The following WDFY4 variants were observed in gnomAD, a reference collection of about 807,000 sequenced individuals.
WDFY4 encodes WDFY family member 4.
Under a neutral mutation model 351.9 loss-of-function variants are expected in WDFY4, and 169 were observed. The observed-to-expected ratio is 0.48, with a 90% confidence interval of 0.42 to 0.55. The LOEUF is 0.55. WDFY4 is among the 20% of genes least tolerant of loss of function. The pLI, the probability that WDFY4 is intolerant of heterozygous loss-of-function variation, is 0.00. For missense variants in WDFY4, 3,803 were observed against 3,935.6 expected (o/e 0.97, Z 0.90); for synonymous variants, 1,622 against 1,574.6 (o/e 1.03, Z -0.71).
intron 22 of WDFY4, 101 bp from the exon 23 acceptor site, chr10:48,790,626 G>A: frequency 7.5e-7 from 1 of 1,334,344 alleles, no homozygotes; most frequent in Non-Finnish European, 1.0e-6. Context: ...GTGGATGGAT[G>A]GTGGCACTGG....
chr10:48,969,374 C>A, intron 56 of WDFY4, 126 bp downstream of exon 56: 1 of 1,214,220 alleles, frequency 8.2e-7, no homozygotes, highest in South Asian at 1.5e-5. Context: ...AGGTGTGCTG[C>A]CAGCCTGGGC....
intron 31 of WDFY4, among the ~76,000 whole-genome samples, chr10:48,815,383 CTT>C: frequency 6.6e-6 from 1 of 152,200 alleles, no homozygotes; most frequent in East Asian, 1.9e-4. Flanking sequence ...CTGATTATAT[CTT>C]TTGCCAGTTT....
chr10:48,687,192 C>T (rs770463649), intron 1 of WDFY4, among the ~76,000 whole-genome samples: 15 of 152,260 alleles, frequency 9.9e-5, no homozygotes, highest in Non-Finnish European at 1.3e-4. Flanking sequence ...GGCCATTTCT[C>T]ATCGGGTTAC....
chr10:48,760,625 G>A (rs1165760225), intron 13 of WDFY4, among the ~76,000 whole-genome samples, 185 bp downstream of exon 13: 1 of 152,194 alleles, frequency 6.6e-6, no homozygotes, highest in Non-Finnish European at 1.5e-5. Context: ...ACTGAGTTGT[G>A]CCCACCCTTG....
At chr10:48,751,657 C>A (rs17011160) in intron 12 of WDFY4, among the ~76,000 whole-genome samples, 3 of 152,090 alleles carry the variant, frequency 2.0e-5, no homozygotes, top group East Asian at 1.9e-4. Flanking sequence ...CAAATGAGGC[C>A]GCTTTGCTTT....
In WDFY4 at chr10:48,733,943, C is replaced by A; in HGVS notation, c.1595C>A (p.Ser532Tyr). 6.4e-7 allele frequency: 1 copy of A among 1,551,642 alleles called. No homozygotes were observed. ...KIMRKSGNKVSTPGVQDPERE... is the reference protein window; with the variant it reads ...KIMRKSGNKVYTPGVQDPERE... ...TTCAATATGGCAGGAAACAAAGTGT[C>A]CACTCCTGGTGTTCAGGATCCAGAA... The change falls in exon 10 of 62, where the codon TCC becomes TAC. Residue 532 changes from serine to tyrosine, a missense_variant. By Grantham distance (144) the Ser-to-Tyr change is moderately radical. Around this residue, in one of 3 missense-constraint regions of WDFY4, gnomAD observed 261 missense variants for 330.2 expected, o/e 0.79. Coordinates refer to ENST00000325239, the MANE Select transcript of WDFY4 (RefSeq NM_001394531.1).
chr10:48,943,498 T>C (rs1459217190), intron 49 of WDFY4, 49 bp downstream of exon 49: 1 of 1,535,186 alleles, frequency 6.5e-7, no homozygotes, highest in South Asian at 1.2e-5. Flanking sequence ...GTTCGGACGT[T>C]GATAACAGAG....
chr10:48,724,637 C>T (rs1044081523), intron 5 of WDFY4, among the ~76,000 whole-genome samples: 1 of 152,050 alleles, frequency 6.6e-6, no homozygotes, highest in African/African-American at 2.4e-5. Context: ...ATAGACCATT[C>T]CTGCATTGCT....
At chr10:48,809,166 CCACCATCATCACCAT>C (rs376773792) in intron 28 of WDFY4, among the ~76,000 whole-genome samples, 67 of 149,338 alleles carry the variant, frequency 4.5e-4, no homozygotes, top group African/African-American at 1.5e-3. Flanking sequence ...ACCATTACCA[CCACCATCATCACCAT>C]CACCATCATC....
At chr10:48,728,790 T>C (rs761944333) in intron 7 of WDFY4, among the ~76,000 whole-genome samples, 2 of 152,234 alleles carry the variant, frequency 1.3e-5, no homozygotes, top group Non-Finnish European at 2.9e-5. Flanking sequence ...TTTTGGTTCA[T>C]TGGGTGTTGA....
chr10:48,784,721 T>C (rs764073047), intron 19 of WDFY4, among the ~76,000 whole-genome samples: 1 of 151,244 alleles, frequency 6.6e-6, no homozygotes, highest in Non-Finnish European at 1.5e-5. Context: ...TTTGTATTTT[T>C]AGTAGAGATG....
intron 19 of WDFY4, among the ~76,000 whole-genome samples, chr10:48,785,212 T>C (rs1046616856): frequency 2.6e-5 from 4 of 152,148 alleles, no homozygotes; most frequent in Non-Finnish European, 5.9e-5. Flanking sequence ...TACATATATG[T>C]GTATGTGTGT....
intron 16 of WDFY4, 136 bp downstream of exon 16, chr10:48,777,120 A>T: frequency 8.8e-7 from 1 of 1,136,142 alleles, no homozygotes; most frequent in Non-Finnish European, 1.2e-6. Context: ...TGGGTCATGG[A>T]CACCCGCCTA....
chr10:48,726,944 G>T (rs1033561019), intron 6 of WDFY4, among the ~76,000 whole-genome samples: 1 of 152,134 alleles, frequency 6.6e-6, no homozygotes, highest in Non-Finnish European at 1.5e-5. Flanking sequence ...GGGGTAGCCA[G>T]TAAGCCCCAT....
intron 47 of WDFY4, among the ~76,000 whole-genome samples, chr10:48,907,814 G>A (rs934738402): frequency 7.9e-5 from 12 of 152,186 alleles, no homozygotes. Context: ...AGAGAAGCAT[G>A]GTCCTTGGAT....
At chr10:48,949,165 C>A (rs1403098991) in intron 51 of WDFY4, among the ~76,000 whole-genome samples, 1 of 152,198 alleles carries the variant, frequency 6.6e-6, no homozygotes, top group African/African-American at 2.4e-5. Context: ...TTTTGGGGCT[C>A]AGATCTGTCT....
intron 20 of WDFY4, 88 bp from the exon 21 acceptor site, chr10:48,788,442 C>T: frequency 7.1e-7 from 1 of 1,413,544 alleles, no homozygotes; most frequent in Non-Finnish European, 9.5e-7. Context: ...GATTACTTTG[C>T]TGTGTGACAG....
At chr10:48,941,749 C>A in intron 47 of WDFY4, 57 bp from the exon 48 acceptor site, 1 of 1,539,256 alleles carries the variant, frequency 6.5e-7, no homozygotes, top group Non-Finnish European at 8.8e-7. Context: ...CACCTCTCCC[C>A]TGTTTGTATT....
chr10:48,747,666 G>A (rs1251937077), intron 12 of WDFY4, among the ~76,000 whole-genome samples: 1 of 152,056 alleles, frequency 6.6e-6, no homozygotes. Flanking sequence ...AAATTTCAAT[G>A]ACAGTATTTT....
Sources: gnomAD v4.1 joint callset for allele counts (sites outside exome capture counted in the v4.1 genomes callset) on GRCh38, gnomAD v4.1.1 for gene constraint, gnomAD v4.1.1 regional missense constraint, MANE v1.5 for transcripts, NCBI Gene and HGNC (gene_info 2026-07-23, HGNC 2026-07-21) for gene names.